The following LIN9 variants were observed in gnomAD, a reference collection of about 807,000 sequenced individuals.
LIN9 encodes the protein lin-9 DREAM MuvB core complex component.
A neutral mutation model predicts 78.0 loss-of-function variants in LIN9; 18 were observed. The observed-to-expected ratio is 0.23, with a 90% CI of 0.16 to 0.34. The LOEUF (loss-of-function observed/expected upper bound fraction) is 0.34. Ranked by LOEUF, LIN9 falls within the 10% of genes least tolerant of loss-of-function variation. The pLI, the probability that LIN9 is intolerant of heterozygous loss-of-function variation, is 1.00. For missense variants in LIN9, 451 were observed against 644.1 expected, an observed-to-expected ratio of 0.70 and a Z score of 3.25; for synonymous variants, 192 against 215.2, an observed-to-expected ratio of 0.89 and a Z score of 0.94.
intron 2 of LIN9, among the ~76,000 whole-genome samples, chr1:226,298,838 GCCGAGATAGCACCACTGCA>G (rs1662327519): frequency 6.6e-6 from 1 of 152,138 alleles, no homozygotes; most frequent in African/African-American, 2.4e-5. Context: ...GTCGAAGCAA[GCCGAGATAGCACCACTGCA>G]CTTCAGTCTG....
upstream of LIN9, chr1:226,309,742 G>A (rs1261199076): frequency 7.8e-7 from 1 of 1,287,864 alleles, no homozygotes; most frequent in Admixed American, 2.3e-5. Context: ...GCGGCCCCTC[G>A]CGATCCGGGC....
intron 12 of LIN9, among the ~76,000 whole-genome samples, chr1:226,236,617 A>G (rs565912531): frequency 6.6e-6 from 1 of 152,054 alleles, no homozygotes; most frequent in East Asian, 1.9e-4. Context: ...CACCACGCCC[A>G]GCTAATTTTT....
intron 12 of LIN9, among the ~76,000 whole-genome samples, chr1:226,236,222 G>T (rs530463008): frequency 6.6e-6 from 1 of 150,954 alleles, no homozygotes; most frequent in African/African-American, 2.4e-5. Context: ...TACACAAATC[G>T]TAAAGTGTAC....
chr1:226,293,672 C>T (rs1348857544), intron 4 of LIN9, among the ~76,000 whole-genome samples: 1 of 152,184 alleles, frequency 6.6e-6, no homozygotes, highest in Admixed American at 6.5e-5. Context: ...CTCTGCCTCC[C>T]AGGTTCAAGT....
chr1:226,309,511 C>T (rs1663166947), upstream of LIN9: 1 of 1,144,066 alleles, frequency 8.7e-7, no homozygotes, highest in Non-Finnish European at 1.1e-6. Flanking sequence ...GCTGCGGGAA[C>T]TGCAGGCTGT....
At chr1:226,309,638 C>T (rs1339046401), upstream of LIN9, 10 of 1,275,930 alleles carry the variant, frequency 7.8e-6, no homozygotes, top group South Asian at 1.3e-5. Flanking sequence ...TTCCCGAAAC[C>T]CACGTTGCTT....
intron 7 of LIN9, among the ~76,000 whole-genome samples, chr1:226,277,080 C>A (rs1660712119): frequency 6.6e-6 from 1 of 151,798 alleles, no homozygotes; most frequent in Non-Finnish European, 1.5e-5. Context: ...TGTGGTGATT[C>A]ATGCCTGTAA....
At chr1:226,304,628 T>TA (rs1004745636) in intron 1 of LIN9, among the ~76,000 whole-genome samples, 3 of 152,082 alleles carry the variant, frequency 2.0e-5, no homozygotes, top group African/African-American at 7.2e-5. Flanking sequence ...AGGTAACATC[T>TA]AAAAAACTAG....
At chr1:226,266,504 C>G (rs535118284) in intron 8 of LIN9, among the ~76,000 whole-genome samples, 172 bp from the exon 9 acceptor site, 1 of 148,228 alleles carries the variant, frequency 6.7e-6, no homozygotes, top group South Asian at 2.2e-4. Context: ...CTATACAGAT[C>G]AAAGGCTAGA....
At chr1:226,263,807 C>G (rs1215657472) in intron 10 of LIN9, among the ~76,000 whole-genome samples, 2 of 152,138 alleles carry the variant, frequency 1.3e-5, no homozygotes, top group African/African-American at 4.8e-5. Flanking sequence ...CATGGTGACT[C>G]AAGCCTGTAA....
chr1:226,272,293 T>A (rs1472613550), intron 7 of LIN9, among the ~76,000 whole-genome samples: 6 of 151,916 alleles, frequency 3.9e-5, no homozygotes, highest in Admixed American at 3.9e-4. Flanking sequence ...TGACCTCAAG[T>A]GATCTGCCTG....
At chr1:226,238,887 T>G in intron 12 of LIN9, 84 bp downstream of exon 12, 1 of 1,366,762 alleles carries the variant, frequency 7.3e-7, no homozygotes, top group Non-Finnish European at 1.0e-6. Flanking sequence ...AGATATTGGC[T>G]TGGTATGGAT....
chr1:226,268,766 G>A (rs1302506952), intron 7 of LIN9, among the ~76,000 whole-genome samples: 1 of 152,186 alleles, frequency 6.6e-6, no homozygotes, highest in African/African-American at 2.4e-5. Flanking sequence ...ACACTTATAA[G>A]CATTGTGACA....
At chr1:226,254,457 G>T (rs1339528181) in intron 10 of LIN9, among the ~76,000 whole-genome samples, 1 of 151,912 alleles carries the variant, frequency 6.6e-6, no homozygotes, top group Non-Finnish European at 1.5e-5. Flanking sequence ...AAATAATAGT[G>T]GAAGTAGTAT....
intron 10 of LIN9, among the ~76,000 whole-genome samples, chr1:226,259,163 T>C (rs1186352534): frequency 6.6e-6 from 1 of 151,920 alleles, no homozygotes; most frequent in Admixed American, 6.6e-5. Context: ...TTTCACCACA[T>C]TGGCCAGGCT....
intron 6 of LIN9, among the ~76,000 whole-genome samples, chr1:226,280,909 A>G (rs755858291): frequency 6.6e-6 from 1 of 152,162 alleles, no homozygotes; most frequent in Non-Finnish European, 1.5e-5. Flanking sequence ...CAGCAATCCC[A>G]TGGTTAGGTG....
At chr1:226,277,973 C>G (rs1660774068) in intron 6 of LIN9, 41 bp from the exon 7 acceptor site, 8 of 1,483,916 alleles carry the variant, frequency 5.4e-6, no homozygotes, top group South Asian at 1.2e-5. Flanking sequence ...GATAACTACC[C>G]CATATAAAAA....
chr1:226,275,691 CAGAAA>C (rs1660604986), intron 7 of LIN9, among the ~76,000 whole-genome samples: 5 of 43,426 alleles, frequency 1.2e-4, no homozygotes, highest in Non-Finnish European at 4.2e-5. Flanking sequence ...GACTCCGTCT[CAGAAA>C]AAAAAAAAAA....
intron 10 of LIN9, among the ~76,000 whole-genome samples, chr1:226,258,897 A>C (rs1275906786): frequency 5.7e-5 from 3 of 52,718 alleles, no homozygotes; most frequent in Admixed American, 2.0e-4. Context: ...GTCTCAACAA[A>C]AAAAAAAAAA....
Sources: gnomAD v4.1 joint callset for allele counts (sites outside exome capture counted in the v4.1 genomes callset) on GRCh38, gnomAD v4.1.1 for gene constraint, MANE v1.5 for transcripts, NCBI Gene and HGNC (gene_info 2026-07-23, HGNC 2026-07-21) for gene names.